MRTFA: variants seen among roughly 807,000 people sequenced by gnomAD.
MRTFA encodes the protein myocardin related transcription factor A, also known as myocardin-related transcription factor A.
MRTFA carries 20 observed loss-of-function variants against 83.5 expected under a neutral mutation model. The observed-to-expected ratio is 0.24, with a 90% CI of 0.17 to 0.35. The LOEUF is 0.35. MRTFA is among the 10% of genes least tolerant of loss of function. The pLI is 1.00. For synonymous variants in MRTFA, 659 were observed against 541.2 expected, an observed-to-expected ratio of 1.22 and a Z score of -3.02; for missense variants, 1,200 against 1,224.7, an observed-to-expected ratio of 0.98 and a Z score of 0.30.
At chr22:40,493,233 G>A (rs2054298260) in intron 3 of MRTFA, among the ~76,000 whole-genome samples, 2 of 152,214 alleles carry the variant, frequency 1.3e-5, no homozygotes, top group Non-Finnish European at 2.9e-5. Flanking sequence ...ACAGAAGGGG[G>A]AAGATATTAA....
chr22:40,546,481 CAA>C (rs2055366951), intron 3 of MRTFA, among the ~76,000 whole-genome samples: 1 of 152,064 alleles, frequency 6.6e-6, no homozygotes, highest in Non-Finnish European at 1.5e-5. Context: ...TCAAATGATG[CAA>C]AGAGGTCAAG....
In MRTFA at chr22:40,419,004, C is replaced by G; in HGVS notation, c.1734G>C (p.Glu578Asp). ...GCTGCGTCAGAGGTGATGTCACCAT[C>G]TCACCAAAGGTGTCCCCGGGGGTGG... Residue 578 changes from glutamate to aspartate, a missense_variant, in exon 12 of 15, where the codon GAG becomes GAC. Transcript: ENST00000355630. 1 of 1,612,854 alleles carries G rather than the reference C, an allele frequency of 6.2e-7. No homozygotes were observed. The highest frequency in any genetic ancestry group is 2.2e-5 in the East Asian group (1 of 44,860).
At chr22:40,468,104 G>A (rs1042244602) in intron 3 of MRTFA, among the ~76,000 whole-genome samples, 10 of 152,162 alleles carry the variant, frequency 6.6e-5, no homozygotes, top group African/African-American at 2.4e-4. Flanking sequence ...CTTTGGGGGT[G>A]AGGGAAAAGC....
At chr22:40,442,943 G>T (rs2053305354) in intron 4 of MRTFA, among the ~76,000 whole-genome samples, 1 of 152,054 alleles carries the variant, frequency 6.6e-6, no homozygotes, top group South Asian at 2.1e-4. Flanking sequence ...AATAAGCTGG[G>T]CCCACTCCAT....
At chr22:40,535,679 G>A (rs1233205748) in intron 3 of MRTFA, among the ~76,000 whole-genome samples, 1 of 152,112 alleles carries the variant, frequency 6.6e-6, no homozygotes, top group African/African-American at 2.4e-5. Context: ...TGTCTCTCTA[G>A]TAATGAGGGT....
At chr22:40,511,827 C>A (rs571367146) in intron 3 of MRTFA, among the ~76,000 whole-genome samples, 1 of 152,334 alleles carries the variant, frequency 6.6e-6, no homozygotes, top group East Asian at 1.9e-4. Context: ...GAGTCCTCAG[C>A]CAACTGATCC....
At position 40,423,688 on chromosome 22, in the gene MRTFA, G is replaced by C; in HGVS notation, c.778-3C>G. The C allele has an allele frequency of 6.5e-7, 1 of 1,541,518 alleles. No individual in the cohort carries two copies. The highest frequency in any genetic ancestry group is 8.8e-7 in the Non-Finnish European group (1 of 1,139,882). On this transcript the variant is annotated splice_region_variant and splice_polypyrimidine_tract_variant and intron_variant, in intron 8 of 14. Transcript: ENST00000355630. ...CCCATCGGAAGTTGAGACACAACCT[G>C]AGAGGGAAAAAGGGAAGTGAGGACA...
chr22:40,445,830 G>C (rs1396384244), intron 4 of MRTFA, among the ~76,000 whole-genome samples: 1 of 152,204 alleles, frequency 6.6e-6, no homozygotes. Flanking sequence ...TTACAGGCGT[G>C]AGCCACCACA....
intron 1 of MRTFA, among the ~76,000 whole-genome samples, chr22:40,623,064 G>A (rs1465019675): frequency 6.6e-6 from 1 of 152,188 alleles, no homozygotes; most frequent in Non-Finnish European, 1.5e-5. Flanking sequence ...AACATGTTCA[G>A]CAACATGTAA....
chr22:40,587,516 T>C lies in MRTFA; in HGVS notation c.-22+7158A>G, dbSNP rs180872079. On this transcript the variant is annotated intron_variant, in intron 2 of 14. Coordinates refer to ENST00000355630, the MANE Select transcript of MRTFA (RefSeq NM_020831.6). Reference sequence around the variant, plus strand: ...GGCAAAACAGCCTCCTTGATTGTCTTGTAGCCTTCAACTTTATCTCTGACC... The same window carrying C: ...GGCAAAACAGCCTCCTTGATTGTCTCGTAGCCTTCAACTTTATCTCTGACC... The C allele has an allele frequency of 7.7e-5, 23 of 298,590 alleles. No individual in the cohort carries two copies. In the East Asian group the frequency reaches 2.1e-3, roughly 27 times the overall value. 18.5% of individuals were successfully genotyped at this position (298,590 alleles called of 1,614,324 possible). A position where few individuals can be genotyped will look rare whatever the true frequency, so the allele number is the denominator to read the frequency against.
chr22:40,587,606 C>A, intron 2 of MRTFA: 1 of 303,660 alleles, frequency 3.3e-6, no homozygotes, highest in South Asian at 3.8e-5. Context: ...ACTGGTAAGG[C>A]AGAGGCAGCC....
At chr22:40,621,196 AAAG>A (rs1556028911) in intron 1 of MRTFA, among the ~76,000 whole-genome samples, 31 of 152,044 alleles carry the variant, frequency 2.0e-4, no homozygotes, top group African/African-American at 2.9e-4. Context: ...AAAAAAAAAA[AAAG>A]AAGAAGAAGA....
At chr22:40,471,710 G>A (rs2053918290) in intron 3 of MRTFA, among the ~76,000 whole-genome samples, 1 of 151,824 alleles carries the variant, frequency 6.6e-6, no homozygotes. Context: ...TGGCAAAACT[G>A]CCTCTACAAA....
chr22:40,511,629 G>A (rs62239087), intron 3 of MRTFA, among the ~76,000 whole-genome samples: 4,670 of 152,268 alleles, frequency 0.031, 117 homozygotes, highest in Non-Finnish European at 0.048. Context: ...TATAACCCAA[G>A]TCAATCAGAT....
intron 4 of MRTFA, among the ~76,000 whole-genome samples, chr22:40,444,052 C>T (rs891850405): frequency 6.6e-6 from 1 of 152,192 alleles, no homozygotes; most frequent in Non-Finnish European, 1.5e-5. Flanking sequence ...AAATGAGGAA[C>T]CTGAACTTCT....
chr22:40,586,879 C>A, intron 2 of MRTFA: 1 of 414,052 alleles, frequency 2.4e-6, no homozygotes, highest in East Asian at 8.5e-5. Context: ...TCTGATTTGG[C>A]CTCTAGTGCT....
chr22:40,451,049 T>A (rs1167548131), intron 4 of MRTFA, among the ~76,000 whole-genome samples: 1 of 152,236 alleles, frequency 6.6e-6, no homozygotes, highest in Non-Finnish European at 1.5e-5. Context: ...TGCTTTGCCA[T>A]CTGCTAGAAG....
chr22:40,592,499 T>G lies in MRTFA; in HGVS notation c.-22+2175A>C, dbSNP rs142474851. On this transcript the variant is annotated intron_variant, in intron 2 of 14. Coordinates refer to ENST00000355630, the MANE Select transcript of MRTFA (RefSeq NM_020831.6). ...TGTGGACATTTTTTTTTTCTTTTTT[T>G]TTTTTTGGAGACAGGGTCTCACTCT... Among the ~76,000 whole-genome samples the G allele has an allele frequency of 6.7e-3, 1,011 of 150,944 alleles. 11 individuals are homozygous for G. The highest frequency in any genetic ancestry group is 0.024 in the African/African-American group (971 of 41,212).
intron 2 of MRTFA, chr22:40,587,432 T>C (rs1000389582): frequency 5.9e-6 from 2 of 338,730 alleles, no homozygotes; most frequent in Non-Finnish European, 1.1e-5. Flanking sequence ...CATTTTGCCC[T>C]TGCCAGCTCT....
Sources: gnomAD v4.1 joint callset for allele counts (sites outside exome capture counted in the v4.1 genomes callset) on GRCh38, gnomAD v4.1.1 for gene constraint, MANE v1.5 for transcripts, NCBI Gene and HGNC (gene_info 2026-07-23, HGNC 2026-07-21) for gene names.